The following CDH20 variants were observed in gnomAD, a reference collection of about 807,000 sequenced individuals.
CDH20 encodes the protein cadherin-20.
Under a neutral mutation model 74.2 loss-of-function variants are expected in CDH20, and 29 were observed. The ratio of observed to expected loss-of-function variants is 0.39; its 90% confidence interval spans 0.29 to 0.53. The LOEUF is 0.53. Ranked by LOEUF, CDH20 falls within the 20% of genes least tolerant of loss-of-function variation. The pLI is 0.69. For missense variants in CDH20, 988 were observed against 1,048.3 expected (o/e 0.94, Z 0.79); for synonymous variants, 469 against 405.4 (o/e 1.16, Z -1.88).
intron 1 of CDH20, among the ~76,000 whole-genome samples, chr18:61,451,736 C>T (rs930185085): frequency 2.1e-5 from 3 of 143,896 alleles, no homozygotes; most frequent in Non-Finnish European, 4.7e-5. Flanking sequence ...ATGTTGACTA[C>T]AGAGTCAAAG....
chr18:61,441,104 C>T (rs1394113365), intron 1 of CDH20, among the ~76,000 whole-genome samples: 2 of 152,082 alleles, frequency 1.3e-5, no homozygotes, highest in African/African-American at 4.8e-5. Flanking sequence ...CTAAGATCTT[C>T]CTACCTTCAA....
intron 1 of CDH20, among the ~76,000 whole-genome samples, chr18:61,382,280 G>A (rs1427672430): frequency 1.3e-5 from 2 of 152,144 alleles, no homozygotes; most frequent in Non-Finnish European, 2.9e-5. Flanking sequence ...ATGCATCATA[G>A]TGATTAGGCT....
At chr18:61,354,634 T>TA (rs1910435303) in intron 1 of CDH20, among the ~76,000 whole-genome samples, 1 of 144,400 alleles carries the variant, frequency 6.9e-6, no homozygotes, top group Non-Finnish European at 1.5e-5. Context: ...ATAAAACCCC[T>TA]AGGTTTTTTT....
Position 61,512,044 on chromosome 18 carries a change from T to C in CDH20, c.1017+4484T>C, listed in dbSNP as rs1911800650. 2.0e-5 allele frequency among the ~76,000 whole-genome samples: 3 copies of C among 152,346 alleles called. 1 individual carries two copies. In the South Asian group the frequency reaches 6.2e-4, roughly 32 times the overall value. ...TCTTCCCACTTTGTCATTAATAATG[T>C]CATATAAAATTGAAACAAAAGTTCT... On this transcript the variant is annotated intron_variant, in intron 6 of 11. Transcript: ENST00000262717.
chr18:61,390,483 T>C (rs1911744324), intron 1 of CDH20, among the ~76,000 whole-genome samples: 2 of 152,120 alleles, frequency 1.3e-5, no homozygotes, highest in African/African-American at 4.8e-5. Context: ...GGGAAAATAA[T>C]TCTAAAATCC....
At chr18:61,451,424 T>C (rs1227511984) in intron 1 of CDH20, among the ~76,000 whole-genome samples, 3 of 152,104 alleles carry the variant, frequency 2.0e-5, no homozygotes, top group Admixed American at 6.6e-5. Context: ...CACATCTGGA[T>C]AGTGGGAATA....
intron 1 of CDH20, among the ~76,000 whole-genome samples, chr18:61,390,215 G>A (rs1911733636): frequency 6.6e-6 from 1 of 152,120 alleles, no homozygotes; most frequent in South Asian, 2.1e-4. Context: ...GCTTAGCTCA[G>A]TAAATATGTG....
intron 1 of CDH20, among the ~76,000 whole-genome samples, chr18:61,339,690 T>TC (rs1352208321): frequency 1.2e-5 from 1 of 82,662 alleles, no homozygotes; most frequent in African/African-American, 4.1e-5. Context: ...AATTTTTTTT[T>TC]TTTTTTTTTT....
At chr18:61,457,923 T>C (rs187655192) in intron 1 of CDH20, among the ~76,000 whole-genome samples, 84 of 152,322 alleles carry the variant, frequency 5.5e-4, no homozygotes, top group Non-Finnish European at 9.3e-4. Flanking sequence ...ATGTAGATTA[T>C]CAGTGAATAA....
At position 61,412,286 on chromosome 18, in the gene CDH20, A is replaced by G. The variant is rs190797542; in HGVS notation, c.-152-78116A>G. On this transcript the variant is annotated intron_variant, in intron 1 of 11. Coordinates refer to ENST00000262717, the MANE Select transcript of CDH20 (RefSeq NM_031891.4). ...CAGTTTTAAAAAGTATTATGGCAAT[A>G]TAAATTAAGCAACATATTCTGCTTA... is the stretch of plus-strand genomic sequence containing the variant. Among the ~76,000 whole-genome samples the G allele has an allele frequency of 8.5e-5, 13 of 152,348 alleles. No homozygotes were observed. The East Asian group carries it at 2.1e-3, about 25-fold the overall frequency.
chr18:61,528,446 G>GACACACATACACACACACACAC lies in CDH20; in HGVS notation c.1271+233_1271+234insTACACACACACACACACACACA, dbSNP rs370479851. On this transcript the variant is annotated intron_variant, in intron 7 of 11. Transcript: ENST00000262717. ...TTATAACTCACTTTCAATTGGTTGA[G>GACACACATACACACACACACAC]ACACACACACACACACACACACACA... Among the ~76,000 whole-genome samples the GACACACATACACACACACACAC allele has an allele frequency of 8.0e-3, 783 of 97,690 alleles. 13 individuals are homozygous for GACACACATACACACACACACAC. Among genetic ancestry groups the GACACACATACACACACACACAC allele is most frequent in the African/African-American group, 0.023 (705 of 30,758 alleles). 64.1% of individuals were successfully genotyped at this position (97,690 alleles called of 152,430 possible).
intron 2 of CDH20, among the ~76,000 whole-genome samples, chr18:61,495,607 C>G (rs1287580447): frequency 6.6e-6 from 1 of 152,166 alleles, no homozygotes; most frequent in Non-Finnish European, 1.5e-5. Context: ...CCTCGAAGCT[C>G]CTGCGGCCCC....
At chr18:61,470,689 A>T (rs1389021140) in intron 1 of CDH20, among the ~76,000 whole-genome samples, 1 of 152,228 alleles carries the variant, frequency 6.6e-6, no homozygotes, top group Non-Finnish European at 1.5e-5. Context: ...GTGAAGAGGA[A>T]GAAAGGAAAG....
At chr18:61,356,892 A>G (rs932556632) in intron 1 of CDH20, among the ~76,000 whole-genome samples, 2 of 152,210 alleles carry the variant, frequency 1.3e-5, no homozygotes, top group African/African-American at 4.8e-5. Context: ...AAAAGGAGAT[A>G]CCCAAGTATC....
At position 61,524,934 on chromosome 18, in the gene CDH20, C is replaced by T. The variant is rs561377907; in HGVS notation, c.1018-3033C>T. On this transcript the variant is annotated intron_variant, in intron 6 of 11. Transcript: ENST00000262717. ...AGACGCTGTCTAAAAAAAAAAAACT[C>T]CTCATTCATGCAACATGGATGAATC... Among the ~76,000 whole-genome samples, 26 of 152,136 alleles carry T rather than the reference C, an allele frequency of 1.7e-4. No individual in the cohort carries two copies. In the South Asian group the frequency reaches 5.4e-3, roughly 32 times the overall value.
chr18:61,453,772 C>T (rs914881195), intron 1 of CDH20, among the ~76,000 whole-genome samples: 2 of 152,126 alleles, frequency 1.3e-5, no homozygotes, highest in Admixed American at 6.6e-5. Flanking sequence ...TATAAACATT[C>T]GTGTACATAT....
At chr18:61,348,772 C>A (rs901000482) in intron 1 of CDH20, among the ~76,000 whole-genome samples, 1 of 152,028 alleles carries the variant, frequency 6.6e-6, no homozygotes, top group Admixed American at 6.5e-5. Context: ...AAGGAACATT[C>A]GGAGGGGAAT....
intron 10 of CDH20, among the ~76,000 whole-genome samples, chr18:61,546,032 A>T (rs958190550): frequency 6.6e-6 from 1 of 152,200 alleles, no homozygotes. Context: ...AGAAAAAAAA[A>T]GGTCAGGGCA....
At position 61,548,172 on chromosome 18, in the gene CDH20, G is replaced by C. The variant is rs117667462; in HGVS notation, c.1649-1806G>C. On this transcript the variant is annotated intron_variant, in intron 10 of 11. Transcript: ENST00000262717. ...GAAATATGAATATAATCCTCAGGTT[G>C]GCATCCTTTCTCCATTGGGAAGAAA... Among the ~76,000 whole-genome samples the C allele has an allele frequency of 5.5e-3, 834 of 152,294 alleles. 40 individuals are homozygous for C. Among genetic ancestry groups the C allele is most frequent in the Admixed American group, 0.047 (714 of 15,294 alleles).
Sources: gnomAD v4.1 joint callset for allele counts (sites outside exome capture counted in the v4.1 genomes callset) on GRCh38, gnomAD v4.1.1 for gene constraint, MANE v1.5 for transcripts, NCBI Gene and HGNC (gene_info 2026-07-23, HGNC 2026-07-21) for gene names.